MEGF11: variants seen among roughly 807,000 people sequenced by gnomAD.
MEGF11 encodes multiple EGF like domains 11.
In MEGF11, 126 loss-of-function variants were observed where a neutral mutation model predicts 146.6. That is an observed-to-expected ratio of 0.86 (90% CI 0.74 to 1.00). MEGF11 has a LOEUF of 1.00. Ranked by LOEUF, MEGF11 falls within the 50% of genes least tolerant of loss-of-function variation. The pLI, the probability that MEGF11 is intolerant of heterozygous loss-of-function variation, is 0.00. For missense variants in MEGF11, 1,509 were observed against 1,521.2 expected, an observed-to-expected ratio of 0.99 and a Z score of 0.13; for synonymous variants, 532 against 583.4, an observed-to-expected ratio of 0.91 and a Z score of 1.27.
intron 5 of MEGF11, among the ~76,000 whole-genome samples, chr15:66,091,715 G>T (rs1302539870): frequency 1.3e-5 from 2 of 152,184 alleles, no homozygotes; most frequent in Non-Finnish European, 2.9e-5. Context: ...TCAATATATA[G>T]TAGCTATCTC....
chr15:65,997,246 G>A (rs888704462), intron 5 of MEGF11, among the ~76,000 whole-genome samples: 5 of 152,298 alleles, frequency 3.3e-5, no homozygotes, highest in African/African-American at 9.6e-5. Flanking sequence ...ATCAAAGGAT[G>A]GGACTGGATG....
At chr15:66,226,392 C>T (rs1402614242) in intron 1 of MEGF11, among the ~76,000 whole-genome samples, 6 of 152,094 alleles carry the variant, frequency 3.9e-5, no homozygotes, top group African/African-American at 9.7e-5. Context: ...GAATTACAGG[C>T]GTGTGCCACC....
At chr15:66,120,401 C>T (rs2087963938) in intron 3 of MEGF11, among the ~76,000 whole-genome samples, 1 of 152,176 alleles carries the variant, frequency 6.6e-6, no homozygotes, top group South Asian at 2.1e-4. Flanking sequence ...TGAAGCCAGA[C>T]CTCTTTCCAC....
rs1003619177 is a variant in MEGF11 at position 65,913,483 on chromosome 15, G to A, written c.2710+254C>T. ...CCTGAGGCCGAAGGCTGGTGAGAAG[G>A]ATAGGGAAGCTCTGGGAAAATGGCA... On this transcript the variant is annotated intron_variant, in intron 20 of 25. Transcript: ENST00000395614. 6.9e-6 allele frequency: 4 copies of A among 583,530 alleles called. No individual in the cohort carries two copies. The East Asian group carries it at 1.1e-4, about 17-fold the overall frequency. The allele number at this position is 583,530 out of a possible 1,614,324, so 36.1% of individuals were successfully genotyped here.
intron 20 of MEGF11, 85 bp downstream of exon 20, chr15:65,913,652 A>T: frequency 8.0e-7 from 1 of 1,245,234 alleles, no homozygotes; most frequent in Non-Finnish European, 1.1e-6. Context: ...ATTCAGCCAC[A>T]GCAGCCAACC....
At chr15:66,229,372 C>T (rs2091918425) in intron 1 of MEGF11, among the ~76,000 whole-genome samples, 2 of 152,070 alleles carry the variant, frequency 1.3e-5, no homozygotes, top group African/African-American at 4.8e-5. Flanking sequence ...GTGTCCCAGC[C>T]GAATGGGGAG....
At chr15:66,119,317 A>T in intron 3 of MEGF11, 131 bp from the exon 4 acceptor site, 1 of 651,244 alleles carries the variant, frequency 1.5e-6, no homozygotes, top group Non-Finnish European at 2.7e-6. Flanking sequence ...GACTTCAAAT[A>T]TGAAGGAACA....
At chr15:66,150,645 G>A (rs897794737) in intron 1 of MEGF11, among the ~76,000 whole-genome samples, 8 of 150,626 alleles carry the variant, frequency 5.3e-5, no homozygotes, top group Non-Finnish European at 1.2e-4. Flanking sequence ...AGGAAGGAAG[G>A]AAGAAAGGAA....
intron 1 of MEGF11, among the ~76,000 whole-genome samples, chr15:66,227,392 A>G (rs2091876522): frequency 6.6e-6 from 1 of 152,204 alleles, no homozygotes; most frequent in South Asian, 2.1e-4. Flanking sequence ...AATATTGGAT[A>G]TTAATAGTAA....
At chr15:66,022,112 G>A (rs167996) in intron 5 of MEGF11, among the ~76,000 whole-genome samples, 145,364 of 152,284 alleles carry the variant, frequency 0.95, 69,754 homozygotes, top group East Asian at 1. Flanking sequence ...GACCCATGCA[G>A]CGAGAACAGA....
chr15:66,185,848 G>C (rs1033017215), intron 1 of MEGF11, among the ~76,000 whole-genome samples: 5 of 152,210 alleles, frequency 3.3e-5, no homozygotes, highest in South Asian at 2.1e-4. Context: ...TAAAGAGGCA[G>C]GGCCAGGCAG....
chr15:66,219,648 T>C (rs1007851782), intron 1 of MEGF11, among the ~76,000 whole-genome samples: 1 of 152,088 alleles, frequency 6.6e-6, no homozygotes, highest in African/African-American at 2.4e-5. Flanking sequence ...GGAAAACATT[T>C]TGGCAGTTTC....
chr15:65,970,520 G>C (rs376216395), intron 8 of MEGF11, 33 bp downstream of exon 8: 386 of 1,602,698 alleles, frequency 2.4e-4, no homozygotes, highest in Non-Finnish European at 3.1e-4. Flanking sequence ...GAGTAAAATG[G>C]ACAGCAAAGA....
rs1463510699 is a variant in MEGF11, at chr15:65,945,428, G to A, written c.1287+12119C>T. 2.0e-5 allele frequency among the ~76,000 whole-genome samples: 3 copies of A among 152,232 alleles called. No individual in the cohort carries two copies. In the East Asian group the frequency reaches 5.8e-4, roughly 29 times the overall value. On this transcript the variant is annotated intron_variant, in intron 10 of 25. Transcript: ENST00000395614. ...GGGAGGAGAGGGGAGCAGAGCTACTGAGGGAGATGGGGTGGGAGGGGGCAC... is the reference window on the plus strand; with the variant it reads ...GGGAGGAGAGGGGAGCAGAGCTACTAAGGGAGATGGGGTGGGAGGGGGCAC...
At chr15:65,993,878 T>C (rs1367646894) in intron 5 of MEGF11, among the ~76,000 whole-genome samples, 1 of 152,124 alleles carries the variant, frequency 6.6e-6, no homozygotes, top group Non-Finnish European at 1.5e-5. Flanking sequence ...TCTCTATCTC[T>C]CTCACGGGCT....
intron 1 of MEGF11, among the ~76,000 whole-genome samples, chr15:66,200,484 T>C (rs2091126304): frequency 6.6e-6 from 1 of 152,180 alleles, no homozygotes; most frequent in South Asian, 2.1e-4. Flanking sequence ...GAGAAATGAT[T>C]ATACTTTTCC....
Position 65,930,952 on chromosome 15 carries a change from G to C in MEGF11, c.1288-9C>G, listed in dbSNP as rs1182050901. On this transcript the variant is annotated splice_polypyrimidine_tract_variant and intron_variant, in intron 10 of 25. Coordinates refer to ENST00000395614, the MANE Select transcript of MEGF11 (RefSeq NM_001385028.1). ...ACGGCACAGACCTCTCCCTGGAAAGGGAGGGGGTGAATTTTGGATCAAAGG... is the reference window on the plus strand; with the variant it reads ...ACGGCACAGACCTCTCCCTGGAAAGCGAGGGGGTGAATTTTGGATCAAAGG... 1 of 1,570,198 alleles carries C rather than the reference G, an allele frequency of 6.4e-7. No individual in the cohort carries two copies. Among genetic ancestry groups the C allele is most frequent in the Non-Finnish European group, 8.7e-7 (1 of 1,152,370 alleles).
intron 4 of MEGF11, among the ~76,000 whole-genome samples, chr15:66,097,131 T>C (rs1272755396): frequency 6.6e-6 from 1 of 152,254 alleles, no homozygotes; most frequent in Non-Finnish European, 1.5e-5. Context: ...CCTGCACTAT[T>C]TGCTTGTCAA....
At chr15:66,167,507 T>C (rs1328924944) in intron 1 of MEGF11, among the ~76,000 whole-genome samples, 1 of 151,990 alleles carries the variant, frequency 6.6e-6, no homozygotes, top group Admixed American at 6.6e-5. Flanking sequence ...TAGCCAGGCA[T>C]GGTGGCGCCG....
Sources: allele counts gnomAD v4.1 joint callset (sites outside exome capture counted in the v4.1 genomes callset), GRCh38; gene constraint gnomAD v4.1.1; transcripts MANE v1.5; gene names NCBI Gene and HGNC (gene_info 2026-07-23, HGNC 2026-07-21).